Variants in RFWD3 observed in about 807,000 individuals in gnomAD.
RFWD3 encodes the protein ring finger and WD repeat domain 3.
RFWD3 carries 65 observed loss-of-function variants against 87.7 expected under a neutral mutation model. The observed-to-expected ratio is 0.74, with a 90% CI of 0.61 to 0.91. The LOEUF (loss-of-function observed/expected upper bound fraction) is 0.91. RFWD3 is among the 40% of genes least tolerant of loss of function. The pLI is 0.00. For missense variants in RFWD3, 1,078 were observed against 938.5 expected, an observed-to-expected ratio of 1.15 and a Z score of -1.94; for synonymous variants, 433 against 352.8, an observed-to-expected ratio of 1.23 and a Z score of -2.55.
intron 2 of RFWD3, among the ~76,000 whole-genome samples, chr16:74,660,251 C>A (rs1246402705): frequency 6.6e-6 from 1 of 152,202 alleles, no homozygotes; most frequent in Non-Finnish European, 1.5e-5. Context: ...GCCTGGGCGA[C>A]AGAGTGAGAC....
At position 74,661,339 on chromosome 16, in the gene RFWD3, C is replaced by T; in HGVS notation, c.111G>A (p.Gln37=). 1 of 1,614,104 alleles carries T rather than the reference C, an allele frequency of 6.2e-7. No homozygotes were observed. The highest frequency in any genetic ancestry group is 8.5e-7 in the Non-Finnish European group (1 of 1,180,024). The change falls in exon 2 of 13, where the codon CAG becomes CAA. Residue 37 remains glutamine (Q), a synonymous_variant. Transcript: ENST00000361070. The stretch of plus-strand genomic sequence containing the variant: ...TGCTGACCACATCAGCAGGAACAGG[C>T]TGGAGGAGGGCTGGTCCCCCTTGGC... ...ASSQGGPALL[Q]PVPADVVSSQ... is the part of the protein sequence containing the mutation.
In RFWD3 at chr16:74,654,796, T is replaced by C. The variant is rs148091067; in HGVS notation, c.519-2674A>G. On this transcript the variant is annotated intron_variant, in intron 2 of 12. Coordinates refer to ENST00000361070, the MANE Select transcript of RFWD3 (RefSeq NM_018124.4). ...ATACATGAATGATAAGACAGCCTTATTGCTGATATGGAGACAGTTTTAGTG... is the reference window on the plus strand; with the variant it reads ...ATACATGAATGATAAGACAGCCTTACTGCTGATATGGAGACAGTTTTAGTG... Among the ~76,000 whole-genome samples the C allele has an allele frequency of 6.8e-4, 104 of 152,326 alleles. 1 individual carries two copies. The highest frequency in any genetic ancestry group is 3.4e-3 in the Middle Eastern group (1 of 294).
Position 74,649,141 on chromosome 16 carries a change from G to A in RFWD3, c.783C>T (p.Leu261=), listed in dbSNP as rs181878006. ...ATGATGTTCATATTACCTGTTTGGG[G>A]AGGGTCTTGCCTCCATCGATACATG... The part of the protein sequence containing the change: ...EVTCIDGGKT[L]PKQPSPQKSE... Residue 261 remains leucine (L), a synonymous_variant, in exon 4 of 13, where the codon CTC becomes CTT. Coordinates refer to ENST00000361070, the MANE Select transcript of RFWD3 (RefSeq NM_018124.4). 6.4e-7 allele frequency: 1 copy of A among 1,572,514 alleles called. No individual in the cohort carries two copies. The highest frequency in any genetic ancestry group is 1.2e-5 in the South Asian group (1 of 84,582).
chr16:74,637,131 A>AAC (rs1223959767), intron 7 of RFWD3, among the ~76,000 whole-genome samples: 1 of 149,894 alleles, frequency 6.7e-6, no homozygotes, highest in East Asian at 2.0e-4. Flanking sequence ...TTAAAAAAAA[A>AAC]AAAAAAAAAA....
rs372342753 is a variant in RFWD3, at chr16:74,630,971, A to G, written c.1578-14T>C. The G allele has an allele frequency of 4.9e-5, 78 of 1,592,464 alleles. No individual in the cohort carries two copies. The highest frequency in any genetic ancestry group is 6.0e-5 in the Non-Finnish European group (70 of 1,173,696). ...TTTGTCTCCAGGCTGTGGAGTTACA[A>G]AAGACTTTTACAACTGCATTAAGAA... On this transcript the variant is annotated splice_polypyrimidine_tract_variant and intron_variant, in intron 9 of 12. Coordinates refer to ENST00000361070, the MANE Select transcript of RFWD3 (RefSeq NM_018124.4).
chr16:74,644,796 T>C (rs1959987312), intron 4 of RFWD3, 61 bp from the exon 5 acceptor site: 5 of 1,513,054 alleles, frequency 3.3e-6, no homozygotes, highest in African/African-American at 1.4e-5. Context: ...TTGAAGAAGA[T>C]GTGCAACTAA....
intron 6 of RFWD3, among the ~76,000 whole-genome samples, chr16:74,641,204 C>T (rs1959614744): frequency 6.6e-6 from 1 of 151,780 alleles, no homozygotes; most frequent in South Asian, 2.1e-4. Flanking sequence ...CCATTGTTGC[C>T]CAAGCAGGAG....
At chr16:74,632,426 C>CA in intron 9 of RFWD3, 97 bp downstream of exon 9, 1 of 1,380,046 alleles carries the variant, frequency 7.2e-7, no homozygotes, top group South Asian at 1.3e-5. Flanking sequence ...ACAACAACAA[C>CA]AAAAAACAGA....
At chr16:74,642,905 T>C (rs2144180690) in intron 6 of RFWD3, among the ~76,000 whole-genome samples, 1 of 152,348 alleles carries the variant, frequency 6.6e-6, no homozygotes, top group East Asian at 1.9e-4. Flanking sequence ...AACTCTTCAC[T>C]TTTTCTAATG....
In RFWD3 at chr16:74,623,292, C is replaced by G. The variant is rs1376635820; in HGVS notation, c.*636G>C. ...ATCACTGGGCCTGCCAATGTCCCAG[C>G]ACTTCACACCTGGAACACAAGTGTT... On this transcript the variant is annotated 3_prime_UTR_variant, in exon 13 of 13. Transcript: ENST00000361070. 6.5e-6 allele frequency: 1 copy of G among 152,714 alleles called. No individual in the cohort carries two copies. 9.5% of individuals were successfully genotyped at this position (152,714 alleles called of 1,614,324 possible).
Position 74,637,981 on chromosome 16 carries a change from A to C in RFWD3, c.1080-11T>G. On this transcript the variant is annotated splice_polypyrimidine_tract_variant and intron_variant, in intron 6 of 12. Coordinates refer to ENST00000361070, the MANE Select transcript of RFWD3 (RefSeq NM_018124.4). ...TCCTTCAGTAGGGAACTAGAGGGGG[A>C]AAGCCAGCAACAAGTGGGGATTAGG... 1 of 1,585,964 alleles carries C rather than the reference A, an allele frequency of 6.3e-7. No homozygotes were observed. Among genetic ancestry groups the C allele is most frequent in the Non-Finnish European group, 8.6e-7 (1 of 1,159,356 alleles).
At chr16:74,664,945 G>A (rs1961759927) in intron 1 of RFWD3, among the ~76,000 whole-genome samples, 1 of 152,134 alleles carries the variant, frequency 6.6e-6, no homozygotes, top group South Asian at 2.1e-4. Flanking sequence ...CCAGTCGGAG[G>A]TGCCTAGAAC....
chr16:74,655,248 C>CTT (rs1175694497), intron 2 of RFWD3, among the ~76,000 whole-genome samples: 3 of 151,090 alleles, frequency 2.0e-5, no homozygotes, highest in African/African-American at 7.3e-5. Flanking sequence ...AGCCGATGCT[C>CTT]TTTTTTTTTG....
At chr16:74,643,587 CA>C (rs1394909982) in intron 6 of RFWD3, among the ~76,000 whole-genome samples, 2 of 151,734 alleles carry the variant, frequency 1.3e-5, no homozygotes, top group Non-Finnish European at 2.9e-5. Context: ...AGTGTGAACC[CA>C]TGTCACTGTA....
At chr16:74,649,035 C>A in intron 4 of RFWD3, 97 bp downstream of exon 4, 1 of 685,766 alleles carries the variant, frequency 1.5e-6, no homozygotes, top group Non-Finnish European at 2.3e-6. Flanking sequence ...TGAGTTATGA[C>A]TGCACCACTG....
intron 3 of RFWD3, among the ~76,000 whole-genome samples, chr16:74,650,618 G>T (rs1352613837): frequency 6.6e-6 from 1 of 151,892 alleles, no homozygotes; most frequent in Non-Finnish European, 1.5e-5. Flanking sequence ...TTAATTGGGG[G>T]TCACAAAATG....
chr16:74,636,366 G>A lies in RFWD3; in HGVS notation c.1406C>T (p.Pro469Leu). 4 of 1,614,066 alleles carry A rather than the reference G, an allele frequency of 2.5e-6. No homozygotes were observed. The highest frequency in any genetic ancestry group is 3.4e-6 in the Non-Finnish European group (4 of 1,179,930). Reference protein sequence around the residue: ...LSCLVISQPSPQASFLPGFGV... With the variant: ...LSCLVISQPSLQASFLPGFGV... ...TTTACCTGGAAGAAAAGAGGCCTGAGGAGAAGGCTGTGATATCACCAGGCA... is the reference window on the plus strand; with the variant it reads ...TTTACCTGGAAGAAAAGAGGCCTGAAGAGAAGGCTGTGATATCACCAGGCA... The change falls in exon 8 of 13, where the codon CCT (proline) becomes CTT (leucine). Residue 469 changes from proline (P) to leucine (L), a missense_variant. Transcript: ENST00000361070.
At chr16:74,657,908 T>C (rs754899066) in intron 2 of RFWD3, among the ~76,000 whole-genome samples, 3 of 152,274 alleles carry the variant, frequency 2.0e-5, no homozygotes, top group African/African-American at 4.8e-5. Context: ...ATCAAATACA[T>C]ACTAGAGTTA....
Position 74,637,839 on chromosome 16 carries a change from A to G in RFWD3, c.1194+17T>C. The G allele has an allele frequency of 6.3e-7, 1 of 1,585,772 alleles. No individual in the cohort carries two copies. Among genetic ancestry groups the G allele is most frequent in the Non-Finnish European group, 8.6e-7 (1 of 1,156,434 alleles). ...TCCTATTCCAAAAGTTCTTTGGATT[A>G]GAAAGGACAAACGTACCTGAACACG... On this transcript the variant is annotated intron_variant, in intron 7 of 12. Transcript: ENST00000361070.
Sources: gnomAD v4.1 joint callset for allele counts (sites outside exome capture counted in the v4.1 genomes callset) on GRCh38, gnomAD v4.1.1 for gene constraint, MANE v1.5 for transcripts, NCBI Gene and HGNC (gene_info 2026-07-23, HGNC 2026-07-21) for gene names.